The following SDAD1 variants were observed in gnomAD, a reference collection of about 807,000 sequenced individuals.
SDAD1 encodes SDA1 domain containing 1.
Under a neutral mutation model 100.3 loss-of-function variants are expected in SDAD1, and 79 were observed. That is an observed-to-expected ratio of 0.79 (90% CI 0.66 to 0.95). SDAD1 has a LOEUF of 0.95. SDAD1 is among the 40% of genes least tolerant of loss of function. The pLI, the probability that SDAD1 is intolerant of heterozygous loss-of-function variation, is 0.00. For synonymous variants in SDAD1, 267 were observed against 271.4 expected (o/e 0.98, Z 0.16); for missense variants, 790 against 810.9 (o/e 0.97, Z 0.31).
chr4:75,987,712 G>A (rs1185074355), intron 1 of SDAD1, among the ~76,000 whole-genome samples: 2 of 152,130 alleles, frequency 1.3e-5, no homozygotes, highest in African/African-American at 4.8e-5. Flanking sequence ...ATGTTGGTCA[G>A]GCTGGTCTTG....
intron 8 of SDAD1, among the ~76,000 whole-genome samples, chr4:75,973,008 G>A (rs772697656): frequency 4.6e-5 from 7 of 151,688 alleles, no homozygotes; most frequent in East Asian, 3.9e-4. Context: ...GCAACAGAGC[G>A]AGACTCCGTC....
chr4:75,962,314 T>A (rs1729290996), intron 14 of SDAD1, among the ~76,000 whole-genome samples: 1 of 152,168 alleles, frequency 6.6e-6, no homozygotes, highest in South Asian at 2.1e-4. Flanking sequence ...GACATTTGGG[T>A]TGGTTCCAAG....
At chr4:75,974,807 C>T (rs1483799574) in intron 6 of SDAD1, among the ~76,000 whole-genome samples, 4 of 151,976 alleles carry the variant, frequency 2.6e-5, no homozygotes, top group Non-Finnish European at 5.9e-5. Flanking sequence ...TTTGGGAGGC[C>T]GAAGCGGGTG....
intron 13 of SDAD1, 102 bp from the exon 14 acceptor site, chr4:75,964,313 C>G: frequency 1.3e-6 from 1 of 765,920 alleles, no homozygotes; most frequent in Non-Finnish European, 2.2e-6. Flanking sequence ...GAAAACCCAG[C>G]CTTCCACCTT....
At chr4:75,985,812 C>T (rs1343412245) in intron 1 of SDAD1, among the ~76,000 whole-genome samples, 1 of 152,100 alleles carries the variant, frequency 6.6e-6, no homozygotes, top group Admixed American at 6.6e-5. Context: ...TCCTCTCCAA[C>T]CACATCTCTT....
chr4:75,990,783 A>C lies in SDAD1; in HGVS notation c.59T>G (p.Ile20Ser). The C allele has an allele frequency of 2.5e-5, 40 of 1,614,072 alleles. No individual in the cohort carries two copies. Among genetic ancestry groups the C allele is most frequent in the Non-Finnish European group, 3.4e-5 (40 of 1,180,012 alleles). ...GATGTAGGCCGGCGGGTCTCGCTTG[A>C]TTAGATTCTGTAACTGCGGCAGGTT... ...PSNLPQLQNL[I>S]KRDPPAYIEE... Residue 20 changes from isoleucine (I) to serine (S), a missense_variant, in exon 1 of 22, where the codon ATC (isoleucine) becomes AGC (serine). By Grantham distance (142) the Ile-to-Ser change is moderately radical (BLOSUM62 -2). Coordinates refer to ENST00000356260, the MANE Select transcript of SDAD1 (RefSeq NM_018115.4).
At chr4:75,973,869 G>C (rs1730004765) in intron 7 of SDAD1, among the ~76,000 whole-genome samples, 1 of 151,862 alleles carries the variant, frequency 6.6e-6, no homozygotes, top group Non-Finnish European at 1.5e-5. Context: ...TAGGAACAAA[G>C]AAAGCATCAC....
chr4:75,981,723 A>T (rs1349764325), intron 2 of SDAD1, among the ~76,000 whole-genome samples: 1 of 152,232 alleles, frequency 6.6e-6, no homozygotes, highest in African/African-American at 2.4e-5. Context: ...AAATAGTCTT[A>T]AAGTTTTGTC....
intron 1 of SDAD1, among the ~76,000 whole-genome samples, chr4:75,982,320 C>A (rs75451485): frequency 0.011 from 1,602 of 152,252 alleles, 30 homozygotes; most frequent in African/African-American, 0.037. Flanking sequence ...ATCCCAAATT[C>A]AGATTGTAGC....
In SDAD1 at chr4:75,967,440, T is replaced by C. The variant is rs113327606; in HGVS notation, c.988-106A>G. 9.1e-3 allele frequency: 9,566 copies of C among 1,048,464 alleles called. 52 individuals carry two copies. The highest frequency in any genetic ancestry group is 0.011 in the Non-Finnish European group (7,716 of 694,600). 64.9% of individuals were successfully genotyped at this position (1,048,464 alleles called of 1,614,324 possible). On this transcript the variant is annotated intron_variant, in intron 11 of 21. Coordinates refer to ENST00000356260, the MANE Select transcript of SDAD1 (RefSeq NM_018115.4). ...AAGCTCAACTAATTGCAGAACACTT[T>C]TGTTTTTTTCTCAGTAAGCAATCAT...
intron 11 of SDAD1, among the ~76,000 whole-genome samples, chr4:75,968,385 T>A (rs895048824): frequency 5.3e-5 from 8 of 152,212 alleles, no homozygotes; most frequent in Admixed American, 4.6e-4. Context: ...GTTTTTCTTT[T>A]CTTTTCTTTT....
At chr4:75,962,704 G>C (rs1015964609) in intron 14 of SDAD1, among the ~76,000 whole-genome samples, 1 of 152,166 alleles carries the variant, frequency 6.6e-6, no homozygotes, top group African/African-American at 2.4e-5. Flanking sequence ...CTTCTTTTGA[G>C]AAGCATCTGT....
chr4:75,987,752 T>C (rs1320581038), intron 1 of SDAD1, among the ~76,000 whole-genome samples: 1 of 152,186 alleles, frequency 6.6e-6, no homozygotes. Context: ...TTCACCCACC[T>C]TGGCCTCCCA....
rs145396500 is a variant in SDAD1 at position 75,961,009 on chromosome 4, A to T, written c.1356+19T>A. ...GTGAGACCATAACCTTTAGACCAACATAAGTGTGCTTTACCTACCCGGAAT... is the reference window on the plus strand; with the variant it reads ...GTGAGACCATAACCTTTAGACCAACTTAAGTGTGCTTTACCTACCCGGAAT... On this transcript the variant is annotated intron_variant, in intron 16 of 21. Coordinates refer to ENST00000356260, the MANE Select transcript of SDAD1 (RefSeq NM_018115.4). 2 of 1,607,838 alleles carry T rather than the reference A, an allele frequency of 1.2e-6. No homozygotes were observed. The highest frequency in any genetic ancestry group is 2.2e-5 in the East Asian group (1 of 44,848).
intron 4 of SDAD1, 77 bp downstream of exon 4, chr4:75,977,568 GC>G (rs1400461493): frequency 1.1e-6 from 1 of 875,198 alleles, no homozygotes; most frequent in Non-Finnish European, 1.9e-6. Flanking sequence ...ACAATGTAAA[GC>G]ATCGATAATT....
At chr4:75,980,001 TATTAA>T (rs1730406953) in intron 3 of SDAD1, among the ~76,000 whole-genome samples, 1 of 140,382 alleles carries the variant, frequency 7.1e-6, no homozygotes, top group African/African-American at 2.5e-5. Context: ...CTGGCATATA[TATTAA>T]TTTAATAATG....
chr4:75,974,998 T>C (rs564525920), intron 6 of SDAD1, among the ~76,000 whole-genome samples: 16 of 149,960 alleles, frequency 1.1e-4, no homozygotes, highest in Non-Finnish European at 1.8e-4. Flanking sequence ...GCCAAGATCA[T>C]GCCACTGCAC....
Position 75,967,282 on chromosome 4 carries a change from T to C in SDAD1, c.1040A>G (p.Gln347Arg). The C allele has an allele frequency of 1.9e-6, 3 of 1,614,066 alleles. No homozygotes were observed. Among genetic ancestry groups the C allele is most frequent in the Non-Finnish European group, 2.5e-6 (3 of 1,179,954 alleles). Residue 347 changes from glutamine to arginine, a missense_variant, in exon 12 of 22, where the codon CAA becomes CGA. Physicochemically the swap from Gln to Arg is conservative, Grantham distance 43 (BLOSUM62 1). Coordinates refer to ENST00000356260, the MANE Select transcript of SDAD1 (RefSeq NM_018115.4). Reference sequence around the variant, plus strand: ...CATGGCAAGTGGCAGCTTACCTCTTTGGTGGGGCTGCAGAAACCTTTGCAA... The same window carrying C: ...CATGGCAAGTGGCAGCTTACCTCTTCGGTGGGGCTGCAGAAACCTTTGCAA... ...PFLQRFLQPH[Q>R]REVTKILLFA...
Position 75,971,351 on chromosome 4 carries a change from TC to T in SDAD1, c.813+5del. 6.3e-7 allele frequency: 1 copy of T among 1,598,218 alleles called. No individual in the cohort carries two copies. Among genetic ancestry groups the T allele is most frequent in the African/African-American group, 1.3e-5 (1 of 74,662 alleles). ...TCCTATCTCATTTTCCAGATACAAGTCCCACCTTGAGCACTTTCATTGCCTT... is the reference window on the plus strand; with the variant it reads ...TCCTATCTCATTTTCCAGATACAAGTCCACCTTGAGCACTTTCATTGCCTT... On this transcript the variant is annotated splice_donor_5th_base_variant and intron_variant, in intron 9 of 21. Transcript: ENST00000356260.
Sources: gnomAD v4.1 joint callset for allele counts (sites outside exome capture counted in the v4.1 genomes callset) on GRCh38, gnomAD v4.1.1 for gene constraint, MANE v1.5 for transcripts, NCBI Gene and HGNC (gene_info 2026-07-23, HGNC 2026-07-21) for gene names.